AUTS2: variants seen among roughly 807,000 people sequenced by gnomAD.
The protein encoded by AUTS2 is autism susceptibility gene 2 protein.
A neutral mutation model predicts 112.4 loss-of-function variants in AUTS2; 17 were observed. The observed-to-expected ratio is 0.15, with a 90% CI of 0.10 to 0.23. AUTS2 has a LOEUF of 0.23. Ranked by LOEUF, AUTS2 falls within the 10% of genes least tolerant of loss-of-function variation. AUTS2 has a pLI of 1.00. For missense variants in AUTS2, 1,510 were observed against 1,701.6 expected (o/e 0.89, Z 1.98); for synonymous variants, 751 against 702.7 (o/e 1.07, Z -1.09).
intron 4 of AUTS2, among the ~76,000 whole-genome samples, chr7:70,153,272 G>A (rs1273312327): frequency 6.6e-6 from 1 of 151,994 alleles, no homozygotes; most frequent in African/African-American, 2.4e-5. Context: ...GCAACAACAT[G>A]GATTCATCTC....
intron 6 of AUTS2, among the ~76,000 whole-genome samples, chr7:70,708,506 C>T (rs560257861): frequency 6.6e-6 from 1 of 152,138 alleles, no homozygotes; most frequent in Admixed American, 6.5e-5. Flanking sequence ...TAATAGATGA[C>T]ACCCACCTGA....
At chr7:69,687,193 A>G (rs906637435) in intron 1 of AUTS2, among the ~76,000 whole-genome samples, 1 of 152,236 alleles carries the variant, frequency 6.6e-6, no homozygotes, top group Non-Finnish European at 1.5e-5. Context: ...TTAAACAGAC[A>G]ATTTTCAAAA....
chr7:70,773,291 G>A (rs1387049364), intron 11 of AUTS2, among the ~76,000 whole-genome samples: 5 of 152,150 alleles, frequency 3.3e-5, no homozygotes, highest in Non-Finnish European at 7.3e-5. Context: ...TAAAATAGCT[G>A]GTGTCGTGTC....
rs774909795 is a variant in AUTS2 at position 70,178,443 on chromosome 7, TC to T, written c.660+43874del. 2.6e-5 allele frequency among the ~76,000 whole-genome samples: 4 copies of T among 152,302 alleles called. No homozygotes were observed. The South Asian group carries it at 6.2e-4, about 24-fold the overall frequency. On this transcript the variant is annotated intron_variant, in intron 4 of 18. Transcript: ENST00000342771. The stretch of plus-strand genomic sequence containing the variant: ...GATTTTTATGGAAAGCTGTTTTTGT[TC>T]CTGTTCCTGTTGCCAGTTTTCACAT...
chr7:69,601,258 A>G (rs760563924), intron 1 of AUTS2, among the ~76,000 whole-genome samples: 14 of 151,880 alleles, frequency 9.2e-5, no homozygotes, highest in Admixed American at 9.2e-4. Flanking sequence ...ACCTGATGTG[A>G]TGGTTTGAGG....
chr7:69,651,028 A>T (rs573471672), intron 1 of AUTS2, among the ~76,000 whole-genome samples: 1 of 152,248 alleles, frequency 6.6e-6, no homozygotes, highest in South Asian at 2.1e-4. Flanking sequence ...GCTGAAAGGG[A>T]TACTTTTTTA....
Position 69,860,576 on chromosome 7 carries a change from C to T in AUTS2, c.310-38710C>T, listed in dbSNP as rs149733026. Among the ~76,000 whole-genome samples, 9 of 152,244 alleles carry T rather than the reference C, an allele frequency of 5.9e-5. No homozygotes were observed. The East Asian group carries it at 1.7e-3, about 29-fold the overall frequency. On this transcript the variant is annotated intron_variant, in intron 1 of 18. Transcript: ENST00000342771. ...TTTTCCTTCCACTTGCAGAGCTGGT[C>T]CGTCTGTCACTGGCCCAGTTCCTCC... is the stretch of plus-strand genomic sequence containing the variant.
intron 2 of AUTS2, among the ~76,000 whole-genome samples, chr7:69,906,306 C>T (rs557144485): frequency 1.3e-5 from 2 of 152,334 alleles, no homozygotes; most frequent in Admixed American, 1.3e-4. Context: ...ATGAAATAAG[C>T]CTCTGTACAT....
chr7:69,833,623 C>T (rs1324083142), intron 1 of AUTS2, among the ~76,000 whole-genome samples: 3 of 152,088 alleles, frequency 2.0e-5, no homozygotes, highest in Non-Finnish European at 2.9e-5. Context: ...TTATTAGAGT[C>T]GGGGTTTCGC....
At chr7:70,486,056 G>A (rs1269665064) in intron 5 of AUTS2, among the ~76,000 whole-genome samples, 2 of 151,980 alleles carry the variant, frequency 1.3e-5, no homozygotes, top group African/African-American at 2.4e-5. Context: ...GGGTCAAGGG[G>A]CATCGGGATA....
At chr7:70,705,768 G>A (rs1362789612) in intron 6 of AUTS2, among the ~76,000 whole-genome samples, 1 of 152,180 alleles carries the variant, frequency 6.6e-6, no homozygotes, top group Admixed American at 6.5e-5. Flanking sequence ...CAAGAGGAAA[G>A]CTGGGCATAG....
chr7:70,760,238 C>T (rs543213626), intron 6 of AUTS2, among the ~76,000 whole-genome samples: 2 of 152,194 alleles, frequency 1.3e-5, no homozygotes, highest in African/African-American at 2.4e-5. Context: ...ATCTCCTGAC[C>T]TCGTGATCCG....
At chr7:69,902,014 C>T (rs12333974) in intron 2 of AUTS2, among the ~76,000 whole-genome samples, 53,928 of 151,804 alleles carry the variant, frequency 0.36, 10,028 homozygotes, top group African/African-American at 0.46. Flanking sequence ...AAGGTAATGC[C>T]GTTTTGGAGT....
intron 4 of AUTS2, among the ~76,000 whole-genome samples, chr7:70,404,654 T>C (rs1194789567): frequency 6.6e-6 from 1 of 152,186 alleles, no homozygotes; most frequent in Admixed American, 6.5e-5. Flanking sequence ...AGATACCTCA[T>C]TGCATTGCTC....
intron 1 of AUTS2, among the ~76,000 whole-genome samples, chr7:69,629,761 A>G (rs1272572373): frequency 6.6e-6 from 1 of 152,178 alleles, no homozygotes; most frequent in Non-Finnish European, 1.5e-5. Flanking sequence ...TTCACCTTGT[A>G]TAATGCAAGG....
At chr7:70,699,214 C>A (rs1809308387) in intron 6 of AUTS2, 1 of 149,074 alleles carries the variant, frequency 6.7e-6, no homozygotes, top group African/African-American at 2.5e-5. Flanking sequence ...GGTTTCTGCG[C>A]AGCTTTCATT....
At chr7:70,409,460 A>G (rs1457614325) in intron 4 of AUTS2, among the ~76,000 whole-genome samples, 1 of 152,226 alleles carries the variant, frequency 6.6e-6, no homozygotes, top group Admixed American at 6.5e-5. Context: ...TTGTATATAC[A>G]GAAATTCTCA....
intron 4 of AUTS2, among the ~76,000 whole-genome samples, chr7:70,169,904 T>G (rs187327038): frequency 2.1e-4 from 32 of 152,260 alleles, no homozygotes; most frequent in African/African-American, 7.0e-4. Flanking sequence ...ATATGTGTGG[T>G]GTGGGTTCCT....
intron 1 of AUTS2, among the ~76,000 whole-genome samples, chr7:69,879,120 CTGTGTGTGTGTGTGTGTGTG>C (rs5884770): frequency 4.7e-5 from 7 of 147,818 alleles, no homozygotes; most frequent in Middle Eastern, 3.4e-3. Context: ...TTGAGACTTT[CTGTGTGTGTGTGTGTGTGTG>C]TGTGTGTGTG....
Sources: gnomAD v4.1 joint callset for allele counts (sites outside exome capture counted in the v4.1 genomes callset) on GRCh38, gnomAD v4.1.1 for gene constraint, MANE v1.5 for transcripts, NCBI Gene and HGNC (gene_info 2026-07-23, HGNC 2026-07-21) for gene names.